The following CAMKMT variants were observed in gnomAD, a reference collection of about 807,000 sequenced individuals.
CAMKMT encodes CaM KMT.
A neutral mutation model predicts 48.0 loss-of-function variants in CAMKMT; 53 were observed. That is an observed-to-expected ratio of 1.10 (90% CI 0.89 to 1.39). The LOEUF (loss-of-function observed/expected upper bound fraction) is 1.39. CAMKMT is among the 40% of genes most tolerant of loss of function. The pLI, the probability that CAMKMT is intolerant of heterozygous loss-of-function variation, is 0.00. For synonymous variants in CAMKMT, 165 were observed against 152.3 expected, an observed-to-expected ratio of 1.08 and a Z score of -0.61; for missense variants, 428 against 402.7, an observed-to-expected ratio of 1.06 and a Z score of -0.54.
chr2:44,451,425 A>G (rs1055248845), intron 3 of CAMKMT, among the ~76,000 whole-genome samples: 4 of 151,962 alleles, frequency 2.6e-5, no homozygotes, highest in Admixed American at 6.6e-5. Flanking sequence ...TGTTCTTTCC[A>G]AGAGGCTGGT....
intron 3 of CAMKMT, among the ~76,000 whole-genome samples, chr2:44,485,691 T>G (rs1484988296): frequency 1.3e-5 from 2 of 152,142 alleles, no homozygotes. Context: ...TATCTAAACA[T>G]AGGAAGGGTA....
intron 3 of CAMKMT, among the ~76,000 whole-genome samples, chr2:44,394,648 G>T (rs907097124): frequency 1.1e-4 from 16 of 151,876 alleles, no homozygotes; most frequent in African/African-American, 3.4e-4. Flanking sequence ...GGCTGGTCTC[G>T]AACTGCTGAC....
chr2:44,559,008 A>AG (rs200820490), intron 3 of CAMKMT, among the ~76,000 whole-genome samples: 450 of 150,184 alleles, frequency 3.0e-3, no homozygotes, highest in African/African-American at 0.011. Context: ...TAGATAGATA[A>AG]ACAGACAGAC....
At chr2:44,546,606 T>G (rs896252501) in intron 3 of CAMKMT, among the ~76,000 whole-genome samples, 2 of 152,256 alleles carry the variant, frequency 1.3e-5, no homozygotes, top group African/African-American at 4.8e-5. Context: ...CAGCATTCAG[T>G]AAGTGAGCTG....
intron 3 of CAMKMT, among the ~76,000 whole-genome samples, chr2:44,441,742 G>T (rs762196987): frequency 6.6e-6 from 1 of 152,130 alleles, no homozygotes; most frequent in Non-Finnish European, 1.5e-5. Flanking sequence ...ATAACTAGTT[G>T]TACTGTAGAA....
chr2:44,749,453 G>T (rs539126104), intron 8 of CAMKMT, among the ~76,000 whole-genome samples: 16 of 152,286 alleles, frequency 1.1e-4, no homozygotes, highest in African/African-American at 3.6e-4. Flanking sequence ...CAGTCTGTGT[G>T]TACGCTGTGC....
At chr2:44,437,171 G>A (rs1327078909) in intron 3 of CAMKMT, among the ~76,000 whole-genome samples, 1 of 152,138 alleles carries the variant, frequency 6.6e-6, no homozygotes, top group Admixed American at 6.5e-5. Context: ...GAATACAAAG[G>A]AGTAGCTGAG....
intron 10 of CAMKMT, among the ~76,000 whole-genome samples, chr2:44,769,015 C>T (rs1180365094): frequency 6.6e-6 from 1 of 152,030 alleles, no homozygotes; most frequent in African/African-American, 2.4e-5. Flanking sequence ...TTTAATTTTG[C>T]CCTCTGCATT....
At chr2:44,452,203 T>C (rs931909223) in intron 3 of CAMKMT, among the ~76,000 whole-genome samples, 6 of 151,938 alleles carry the variant, frequency 3.9e-5, no homozygotes, top group Non-Finnish European at 5.9e-5. Context: ...AATGAAGTGT[T>C]TAGAGAGTTT....
chr2:44,506,325 A>G (rs1044973743), intron 3 of CAMKMT, among the ~76,000 whole-genome samples: 1 of 152,156 alleles, frequency 6.6e-6, no homozygotes, highest in African/African-American at 2.4e-5. Context: ...TCTACACAAT[A>G]TATTTATTTC....
chr2:44,436,439 C>T (rs1666259278), intron 3 of CAMKMT, among the ~76,000 whole-genome samples: 1 of 152,080 alleles, frequency 6.6e-6, no homozygotes, highest in African/African-American at 2.4e-5. Context: ...AAAGGGGACA[C>T]CAATTTCCAA....
chr2:44,538,658 A>C (rs80346931), intron 3 of CAMKMT, among the ~76,000 whole-genome samples: 1 of 152,144 alleles, frequency 6.6e-6, no homozygotes, highest in South Asian at 2.1e-4. Context: ...AAAAGACTGC[A>C]TATTGGCCAC....
intron 8 of CAMKMT, among the ~76,000 whole-genome samples, chr2:44,745,907 TGTG>T (rs1187170825): frequency 6.6e-6 from 1 of 152,156 alleles, no homozygotes; most frequent in Non-Finnish European, 1.5e-5. Flanking sequence ...GTCCTGTTGG[TGTG>T]GTGTTTCTCT....
intron 3 of CAMKMT, among the ~76,000 whole-genome samples, chr2:44,497,709 A>AGAGAGAGAGAGAGAGAGAGAG (rs1558657751): frequency 7.2e-5 from 10 of 138,908 alleles, no homozygotes; most frequent in Admixed American, 1.6e-4. Context: ...TAAGCAGGCA[A>AGAGAGAGAGAGAGAGAGAGAG]AGAGAGAGAG....
intron 3 of CAMKMT, among the ~76,000 whole-genome samples, chr2:44,673,882 AAC>A (rs1473804731): frequency 6.6e-6 from 1 of 152,160 alleles, no homozygotes; most frequent in Non-Finnish European, 1.5e-5. Flanking sequence ...AGCATAATGG[AAC>A]AGTCTTTTAG....
chr2:44,517,234 T>G (rs1446166583), intron 3 of CAMKMT, among the ~76,000 whole-genome samples: 1 of 152,214 alleles, frequency 6.6e-6, no homozygotes, highest in Admixed American at 6.5e-5. Flanking sequence ...AAAAATTTTT[T>G]TTTGAATGAA....
intron 9 of CAMKMT, among the ~76,000 whole-genome samples, chr2:44,754,656 A>C (rs1269177006): frequency 2.6e-5 from 4 of 152,236 alleles, no homozygotes; most frequent in African/African-American, 9.6e-5. Context: ...GGTCACAATG[A>C]AGCCAAGCAT....
intron 3 of CAMKMT, among the ~76,000 whole-genome samples, chr2:44,411,636 T>C (rs1683208592): frequency 6.6e-6 from 1 of 152,196 alleles, no homozygotes; most frequent in Admixed American, 6.5e-5. Flanking sequence ...CATTAGTATA[T>C]TGAATATGCA....
At chr2:44,457,732 A>G (rs1250353088) in intron 3 of CAMKMT, among the ~76,000 whole-genome samples, 1 of 152,154 alleles carries the variant, frequency 6.6e-6, no homozygotes, top group Non-Finnish European at 1.5e-5. Flanking sequence ...CCTAGTGTAC[A>G]AGAGTCTTTG....
Sources: allele counts gnomAD v4.1 joint callset (sites outside exome capture counted in the v4.1 genomes callset), GRCh38; gene constraint gnomAD v4.1.1; transcripts MANE v1.5; gene names NCBI Gene and HGNC (gene_info 2026-07-23, HGNC 2026-07-21).